Variants in ST6GALNAC3 observed in about 807,000 individuals in gnomAD.
The protein encoded by ST6GALNAC3 is ST6 N-acetylgalactosaminide alpha-2,6-sialyltransferase 3.
A neutral mutation model predicts 32.7 loss-of-function variants in ST6GALNAC3; 25 were observed. The ratio of observed to expected loss-of-function variants is 0.76; its 90% confidence interval spans 0.56 to 1.07. The LOEUF is 1.07. Ranked by LOEUF, ST6GALNAC3 falls within the 50% of genes least tolerant of loss-of-function variation. ST6GALNAC3 has a pLI of 0.00. For missense variants in ST6GALNAC3, 355 were observed against 382.4 expected (o/e 0.93, Z 0.60); for synonymous variants, 129 against 133.1 (o/e 0.97, Z 0.21).
intron 3 of ST6GALNAC3, among the ~76,000 whole-genome samples, chr1:76,613,476 A>G (rs1040504174): frequency 1.3e-5 from 2 of 152,238 alleles, no homozygotes; most frequent in African/African-American, 4.8e-5. Flanking sequence ...AAAGGAGTTT[A>G]AGACCCAACT....
At chr1:76,570,821 A>G (rs956265302) in intron 3 of ST6GALNAC3, among the ~76,000 whole-genome samples, 1 of 151,916 alleles carries the variant, frequency 6.6e-6, no homozygotes, top group Admixed American at 6.6e-5. Flanking sequence ...GTTCTCTCCA[A>G]GGACTTTTTT....
chr1:76,208,621 G>C (rs1373301429), intron 1 of ST6GALNAC3, among the ~76,000 whole-genome samples: 8 of 152,162 alleles, frequency 5.3e-5, no homozygotes, highest in Non-Finnish European at 1.2e-4. Context: ...ACCTCAAAAG[G>C]TTGGAAGTGG....
At chr1:76,416,969 A>G (rs1654686475) in intron 3 of ST6GALNAC3, among the ~76,000 whole-genome samples, 1 of 152,106 alleles carries the variant, frequency 6.6e-6, no homozygotes, top group African/African-American at 2.4e-5. Flanking sequence ...CTGAGGAAAC[A>G]TGAAGCAGTA....
At chr1:76,278,049 A>G (rs1363892770) in intron 1 of ST6GALNAC3, among the ~76,000 whole-genome samples, 2 of 152,072 alleles carry the variant, frequency 1.3e-5, no homozygotes, top group Admixed American at 1.3e-4. Flanking sequence ...ATTTTTATGA[A>G]ATTTCATTAA....
At chr1:76,216,697 G>A (rs751645630) in intron 1 of ST6GALNAC3, among the ~76,000 whole-genome samples, 1 of 152,210 alleles carries the variant, frequency 6.6e-6, no homozygotes, top group Non-Finnish European at 1.5e-5. Flanking sequence ...TGCAACCATT[G>A]AGTGAAATCC....
Position 76,133,089 on chromosome 1 carries a change from T to C in ST6GALNAC3, c.18+58205T>C, listed in dbSNP as rs115570380. Among the ~76,000 whole-genome samples the C allele has an allele frequency of 7.9e-3, 1,202 of 152,252 alleles. 13 individuals are homozygous for C. The highest frequency in any genetic ancestry group is 0.027 in the African/African-American group (1,119 of 41,544). Reference sequence around the variant, plus strand: ...AATATGCTATAGTAGGGGGATGGGTTGTCAACTTCCCCAAACTACATCTTT... The same window carrying C: ...AATATGCTATAGTAGGGGGATGGGTCGTCAACTTCCCCAAACTACATCTTT... On this transcript the variant is annotated intron_variant, in intron 1 of 4. Transcript: ENST00000328299.
At chr1:76,571,478 CAG>C (rs1029125169) in intron 3 of ST6GALNAC3, among the ~76,000 whole-genome samples, 1 of 152,044 alleles carries the variant, frequency 6.6e-6, no homozygotes, top group African/African-American at 2.4e-5. Context: ...CTGTAGGAAA[CAG>C]ATTCTCTTGC....
At chr1:76,490,025 G>C (rs574604772) in intron 3 of ST6GALNAC3, among the ~76,000 whole-genome samples, 2 of 152,108 alleles carry the variant, frequency 1.3e-5, no homozygotes, top group Admixed American at 6.6e-5. Flanking sequence ...CACACTTGCT[G>C]TCTCACTCAC....
chr1:76,239,883 T>A (rs1351315508), intron 1 of ST6GALNAC3, among the ~76,000 whole-genome samples: 1 of 152,248 alleles, frequency 6.6e-6, no homozygotes, highest in East Asian at 1.9e-4. Context: ...AAGTTTAGTC[T>A]GTTACCTCCT....
At chr1:76,410,764 T>C (rs1654177924) in intron 2 of ST6GALNAC3, among the ~76,000 whole-genome samples, 1 of 152,136 alleles carries the variant, frequency 6.6e-6, no homozygotes, top group African/African-American at 2.4e-5. Flanking sequence ...ATCTTACCTC[T>C]CAGTGTAGTT....
intron 3 of ST6GALNAC3, among the ~76,000 whole-genome samples, chr1:76,565,809 T>G (rs1300606193): frequency 6.6e-6 from 1 of 152,106 alleles, no homozygotes. Flanking sequence ...TAATCCTCCC[T>G]CAGCAAACAG....
At chr1:76,478,939 A>T (rs1659536951) in intron 3 of ST6GALNAC3, among the ~76,000 whole-genome samples, 1 of 150,998 alleles carries the variant, frequency 6.6e-6, no homozygotes, top group Non-Finnish European at 1.5e-5. Flanking sequence ...ATTTTTTTGT[A>T]TTTTTAGTAG....
chr1:76,422,855 G>A (rs1301163833), intron 3 of ST6GALNAC3, among the ~76,000 whole-genome samples: 1 of 151,936 alleles, frequency 6.6e-6, no homozygotes, highest in Non-Finnish European at 1.5e-5. Context: ...ATTTTTCACG[G>A]CGAGGAGTTT....
chr1:76,225,785 G>A (rs1023751591), intron 1 of ST6GALNAC3, among the ~76,000 whole-genome samples: 60 of 152,134 alleles, frequency 3.9e-4, no homozygotes, highest in African/African-American at 1.1e-3. Flanking sequence ...GGCAATGAGT[G>A]TTGTATGGGA....
chr1:76,430,950 C>A (rs1438937012), intron 3 of ST6GALNAC3, among the ~76,000 whole-genome samples: 2 of 152,114 alleles, frequency 1.3e-5, no homozygotes, highest in Non-Finnish European at 1.5e-5. Context: ...TCGTGTAAAG[C>A]CTCTTGGTAG....
At chr1:76,149,914 T>A (rs116012088) in intron 1 of ST6GALNAC3, among the ~76,000 whole-genome samples, 262 of 152,316 alleles carry the variant, frequency 1.7e-3, no homozygotes, top group Non-Finnish European at 2.8e-3. Flanking sequence ...GTTTCCTGAA[T>A]GATATGAGAA....
chr1:76,229,635 C>T (rs904560693), intron 1 of ST6GALNAC3, among the ~76,000 whole-genome samples: 1 of 152,106 alleles, frequency 6.6e-6, no homozygotes, highest in Non-Finnish European at 1.5e-5. Flanking sequence ...TGATATTGTC[C>T]AGGAGCACGT....
rs780794269 is a variant in ST6GALNAC3, at chr1:76,627,571, A to C, written c.731+12A>C. 1.3e-6 allele frequency: 2 copies of C among 1,581,850 alleles called. No homozygotes were observed. Among genetic ancestry groups the C allele is most frequent in the Admixed American group, 3.3e-5 (2 of 59,704 alleles). On this transcript the variant is annotated intron_variant, in intron 4 of 4. Transcript: ENST00000328299. ...GACACCTACTGCAAGTAAGATCACA[A>C]GAAATTATTTTTATGCAGCTCCAAT...
intron 1 of ST6GALNAC3, among the ~76,000 whole-genome samples, chr1:76,202,267 CATGT>C (rs1361446535): frequency 2.1e-5 from 2 of 96,880 alleles, no homozygotes; most frequent in East Asian, 8.3e-4. Context: ...TGTGTGCATG[CATGT>C]GTGTGTGTGT....
Sources: gnomAD v4.1 joint callset for allele counts (sites outside exome capture counted in the v4.1 genomes callset) on GRCh38, gnomAD v4.1.1 for gene constraint, MANE v1.5 for transcripts, NCBI Gene and HGNC (gene_info 2026-07-23, HGNC 2026-07-21) for gene names.